Variants in LY86 observed in about 807,000 individuals in gnomAD.
The protein encoded by LY86 is lymphocyte antigen 86, also known as MD-1, RP105-associated.
In LY86, 20 loss-of-function variants were observed where a neutral mutation model predicts 17.3. That is an observed-to-expected ratio of 1.15 (90% confidence interval 0.81 to 1.68). The LOEUF (loss-of-function observed/expected upper bound fraction) is 1.68, where lower values mean the gene tolerates loss of function less well. Among genes scored for constraint, LY86 ranks in the 40% most tolerant of loss-of-function variants. The pLI is 0.00. For missense variants in LY86, 200 were observed against 191.9 expected (o/e 1.04, Z -0.25); for synonymous variants, 74 against 70.6 (o/e 1.05, Z -0.24).
intron 1 of LY86, among the ~76,000 whole-genome samples, chr6:6,619,130 C>T (rs540013529): frequency 2.0e-5 from 3 of 152,180 alleles, no homozygotes; most frequent in African/African-American, 7.2e-5. Flanking sequence ...TAAGACACTC[C>T]AGTAAAAGTA....
rs1369886773 is a variant in LY86, at chr6:6,588,827, G to C, written c.93G>C (p.Val31=). Residue 31 remains valine, a synonymous_variant, in exon 1 of 5, where the codon GTG becomes GTC. Transcript: ENST00000230568. ...GGGGKAWPTH[V]VCSDSGLEVL... ...GTGGGAAAGCCTGGCCCACACACGT[G>C]GTCTGTAGCGACAGCGGCTTGGAAG... 6.2e-7 allele frequency: 1 copy of C among 1,614,150 alleles called. No homozygotes were observed. Among genetic ancestry groups the C allele is most frequent in the South Asian group, 1.1e-5 (1 of 91,080 alleles).
intron 1 of LY86, among the ~76,000 whole-genome samples, chr6:6,615,488 G>A (rs570650315): frequency 2.6e-5 from 4 of 152,266 alleles, no homozygotes; most frequent in South Asian, 2.1e-4. Context: ...TTGGGAGGCC[G>A]AAACGGGTGG....
rs1300746010 is a variant in LY86 at position 6,612,532 on chromosome 6, C to A, written c.137-12394C>A. 3.9e-5 allele frequency among the ~76,000 whole-genome samples: 6 copies of A among 152,316 alleles called. No homozygotes were observed. In the East Asian group the frequency reaches 1.2e-3, roughly 29 times the overall value. On this transcript the variant is annotated intron_variant, in intron 1 of 4. Coordinates refer to ENST00000230568, the MANE Select transcript of LY86 (RefSeq NM_004271.4). The stretch of plus-strand genomic sequence containing the variant: ...TGCAAAAAGCAAAAGAACAAACCAA[C>A]CACACAAAAGCAACGAAACAACCAG...
chr6:6,630,148 A>G (rs1376890606), intron 3 of LY86, among the ~76,000 whole-genome samples: 6 of 152,204 alleles, frequency 3.9e-5, no homozygotes, highest in African/African-American at 7.2e-5. Context: ...TTGCAAGGTT[A>G]CTCTTTTAAG....
At chr6:6,637,150 C>T (rs1038289970) in intron 3 of LY86, among the ~76,000 whole-genome samples, 1 of 151,796 alleles carries the variant, frequency 6.6e-6, no homozygotes, top group Admixed American at 6.6e-5. Flanking sequence ...GGAGCTGGGA[C>T]TAGAGGCGCC....
At chr6:6,619,218 T>TTGGC (rs1259306214) in intron 1 of LY86, among the ~76,000 whole-genome samples, 5 of 152,222 alleles carry the variant, frequency 3.3e-5, no homozygotes, top group African/African-American at 9.6e-5. Context: ...GCTGGCAGAA[T>TTGGC]TGGCCATCAG....
At chr6:6,592,559 ATGTT>A (rs1174590791) in intron 1 of LY86, among the ~76,000 whole-genome samples, 8 of 152,236 alleles carry the variant, frequency 5.3e-5, no homozygotes, top group South Asian at 4.1e-4. Context: ...TATGGACTGA[ATGTT>A]TGTGTCCCCT....
At chr6:6,613,529 C>T (rs958806309) in intron 1 of LY86, among the ~76,000 whole-genome samples, 4 of 152,186 alleles carry the variant, frequency 2.6e-5, no homozygotes, top group African/African-American at 4.8e-5. Context: ...GCTGTCAGGC[C>T]GGCCGCTCCG....
At chr6:6,626,524 C>T (rs1166547381) in intron 3 of LY86, 103 bp downstream of exon 3, 2 of 1,361,508 alleles carry the variant, frequency 1.5e-6, no homozygotes, top group African/African-American at 1.5e-5. Context: ...TGTCTCTGCC[C>T]CTCGCCTTTG....
chr6:6,605,878 C>G (rs375880044), intron 1 of LY86, among the ~76,000 whole-genome samples: 4 of 148,886 alleles, frequency 2.7e-5, no homozygotes, highest in African/African-American at 1.0e-4. Context: ...CTCTTCGTTT[C>G]TCGCGGTGGG....
rs576359120 is a variant in LY86 at position 6,638,079 on chromosome 6, G to C, written c.353-11546G>C. 6.6e-5 allele frequency among the ~76,000 whole-genome samples: 10 copies of C among 152,274 alleles called. No individual in the cohort carries two copies. In the South Asian group the frequency reaches 2.1e-3, roughly 32 times the overall value. On this transcript the variant is annotated intron_variant, in intron 3 of 4. Transcript: ENST00000230568. ...AAAGTCATTTTCCCTGCTAGGCCCC[G>C]CTTCCTCAGCAACGACTAAATAGTC...
At chr6:6,611,065 T>C (rs924641018) in intron 1 of LY86, among the ~76,000 whole-genome samples, 1 of 152,238 alleles carries the variant, frequency 6.6e-6, no homozygotes, top group African/African-American at 2.4e-5. Flanking sequence ...CGTTAAGATC[T>C]GGCCGTGTCT....
chr6:6,603,597 C>CAACAAAACAAAAAAAAAAAAAA (rs1760985158), intron 1 of LY86, among the ~76,000 whole-genome samples: 5 of 56,524 alleles, frequency 8.8e-5, no homozygotes, highest in African/African-American at 1.9e-4. Context: ...AAAACAAAAA[C>CAACAAAACAAAAAAAAAAAAAA]AGAAACAGAA....
intron 1 of LY86, among the ~76,000 whole-genome samples, chr6:6,590,191 C>T (rs111462221): frequency 1.3e-5 from 2 of 151,314 alleles, no homozygotes; most frequent in African/African-American, 4.9e-5. Flanking sequence ...TAGTCCCCCC[C>T]CAGTCTGCTA....
At chr6:6,606,134 C>A (rs1227641088) in intron 1 of LY86, among the ~76,000 whole-genome samples, 1 of 152,172 alleles carries the variant, frequency 6.6e-6, no homozygotes, top group African/African-American at 2.4e-5. Flanking sequence ...CAGAGAAGGC[C>A]GAGTGGTCCA....
chr6:6,637,597 T>G (rs540762158), intron 3 of LY86, among the ~76,000 whole-genome samples: 1 of 152,338 alleles, frequency 6.6e-6, no homozygotes, highest in South Asian at 2.1e-4. Flanking sequence ...CTAATTAAGA[T>G]GGCCAACTCA....
rs1671916502 is a variant in LY86 at position 6,654,814 on chromosome 6, T to C, written c.*187T>C. On this transcript the variant is annotated 3_prime_UTR_variant, in exon 5 of 5. Coordinates refer to ENST00000230568, the MANE Select transcript of LY86 (RefSeq NM_004271.4). ...ACATCCCCAGACTCCACAGATGTAA[T>C]GAAGTCCCCGAATGTATCTGTTTCT... 2 of 586,614 alleles carry C rather than the reference T, an allele frequency of 3.4e-6. No homozygotes were observed. Among genetic ancestry groups the C allele is most frequent in the Admixed American group, 3.0e-5 (1 of 32,864 alleles). The allele number at this position is 586,614 out of a possible 1,614,324, so 36.3% of individuals were successfully genotyped here.
chr6:6,592,323 AAC>A (rs1244793094), intron 1 of LY86, among the ~76,000 whole-genome samples: 2 of 152,236 alleles, frequency 1.3e-5, no homozygotes, highest in Non-Finnish European at 2.9e-5. Flanking sequence ...AGGAGGAGCA[AAC>A]ACAGTCAGGG....
At chr6:6,615,431 T>C (rs969802735) in intron 1 of LY86, among the ~76,000 whole-genome samples, 1 of 152,128 alleles carries the variant, frequency 6.6e-6, no homozygotes, top group Non-Finnish European at 1.5e-5. Flanking sequence ...AACTTAAAGC[T>C]TGGCTGAAGG....
Sources: gnomAD v4.1 joint callset for allele counts (sites outside exome capture counted in the v4.1 genomes callset) on GRCh38, gnomAD v4.1.1 for gene constraint, MANE v1.5 for transcripts, NCBI Gene and HGNC (gene_info 2026-07-23, HGNC 2026-07-21) for gene names.